Variants in DENND4C observed in about 807,000 individuals in gnomAD.
DENND4C encodes DENN domain-containing protein 4C.
In DENND4C, 108 loss-of-function variants were observed where a neutral mutation model predicts 203.0. The observed-to-expected ratio is 0.53, with a 90% confidence interval of 0.46 to 0.62. The LOEUF is 0.62. Ranked by LOEUF, DENND4C falls within the 20% of genes least tolerant of loss-of-function variation. DENND4C has a pLI of 0.00. For missense variants in DENND4C, 2,481 were observed against 2,301.2 expected (o/e 1.08, Z -1.60); for synonymous variants, 871 against 792.4 (o/e 1.10, Z -1.67).
chr9:19,345,328 T>C (rs1822619952), intron 22 of DENND4C, among the ~76,000 whole-genome samples: 1 of 152,252 alleles, frequency 6.6e-6, no homozygotes, highest in Non-Finnish European at 1.5e-5. Context: ...TTTATTTGCC[T>C]TTATATTCCT....
chr9:19,345,021 A>G (rs1822534350), intron 22 of DENND4C, among the ~76,000 whole-genome samples: 1 of 152,090 alleles, frequency 6.6e-6, no homozygotes, highest in Non-Finnish European at 1.5e-5. Context: ...TTCATGATCA[A>G]ATTATCTTTC....
rs535942820 is a variant in DENND4C, at chr9:19,360,113, C to G, written c.5161-131C>G. 17 of 894,422 alleles carry G rather than the reference C, an allele frequency of 1.9e-5. No homozygotes were observed. In the East Asian group the frequency reaches 4.2e-4, roughly 22 times the overall value. 55.4% of individuals were successfully genotyped at this position (894,422 alleles called of 1,614,324 possible). On this transcript the variant is annotated intron_variant, in intron 28 of 32. Transcript: ENST00000434457. ...TTAGGTTTTCATTCATTAGCATATT[C>G]TCTTGCATGTAGCAATGGTCCTAAA...
Position 19,290,866 on chromosome 9 carries a change from C to T in DENND4C, c.791C>T (p.Ser264Leu), listed in dbSNP as rs1836152764. 3 of 1,612,914 alleles carry T rather than the reference C, an allele frequency of 1.9e-6. No individual in the cohort carries two copies. The highest frequency in any genetic ancestry group is 3.3e-5 in the Admixed American group (2 of 59,882). ...VFSTFVLTGS[S>L]AKKVYGAAIQ... ...TCAACTTTTGTCTTGACAGGTTCTT[C>T]AGCCAAAAAGGTATGTTTTTGTCTC... Residue 264 changes from serine (S) to leucine (L), a missense_variant, in exon 5 of 33, where the codon TCA (serine) becomes TTA (leucine). Physicochemically the swap from Ser to Leu is moderately radical, Grantham distance 145 (BLOSUM62 -2). This residue lies in a region of DENND4C where 2,289 missense variants were observed against 2,113.3 expected (regional missense o/e 1.08). Transcript: ENST00000434457.
At chr9:19,254,346 C>G (rs1014172924) in intron 1 of DENND4C, among the ~76,000 whole-genome samples, 1 of 152,100 alleles carries the variant, frequency 6.6e-6, no homozygotes, top group Admixed American at 6.5e-5. Context: ...TAGTGTCCAT[C>G]GACGGATGAA....
intron 30 of DENND4C, among the ~76,000 whole-genome samples, chr9:19,364,709 A>G (rs903301532): frequency 1.8e-4 from 28 of 152,150 alleles, no homozygotes; most frequent in African/African-American, 5.3e-4. Context: ...CCTGGCCAAC[A>G]TGATAAAACC....
intron 9 of DENND4C, among the ~76,000 whole-genome samples, chr9:19,301,005 C>G (rs943205914): frequency 2.0e-5 from 3 of 152,044 alleles, no homozygotes; most frequent in Admixed American, 2.0e-4. Context: ...TATGGAGAAA[C>G]CCTGCTCTAC....
chr9:19,294,978 G>A (rs1371496298), intron 5 of DENND4C, among the ~76,000 whole-genome samples: 2 of 152,168 alleles, frequency 1.3e-5, no homozygotes, highest in Admixed American at 6.5e-5. Context: ...TAGTGCTACT[G>A]GGTGCACTGC....
chr9:19,319,522 G>A (rs111524271), intron 12 of DENND4C, among the ~76,000 whole-genome samples: 24 of 149,816 alleles, frequency 1.6e-4, no homozygotes, highest in African/African-American at 5.9e-4. Context: ...AGATTAGATG[G>A]TACAATTTGA....
chr9:19,319,292 G>GTA (rs1157321958), intron 12 of DENND4C, among the ~76,000 whole-genome samples: 11 of 139,800 alleles, frequency 7.9e-5, no homozygotes, highest in South Asian at 4.4e-4. Flanking sequence ...ACATTTGTGT[G>GTA]TATATATATA....
chr9:19,274,584 C>T (rs1305855641), intron 1 of DENND4C, among the ~76,000 whole-genome samples: 5 of 152,182 alleles, frequency 3.3e-5, no homozygotes, highest in South Asian at 2.1e-4. Flanking sequence ...CGTGAGCCAC[C>T]GTGCCCGGCC....
intron 4 of DENND4C, among the ~76,000 whole-genome samples, chr9:19,289,679 A>T (rs1314874524): frequency 6.6e-6 from 1 of 151,960 alleles, no homozygotes; most frequent in African/African-American, 2.4e-5. Context: ...AAATACAAAA[A>T]TTAGCCAGGC....
chr9:19,233,786 T>C (rs1288342120), intron 1 of DENND4C, among the ~76,000 whole-genome samples: 1 of 151,976 alleles, frequency 6.6e-6, no homozygotes, highest in East Asian at 1.9e-4. Context: ...AGAGAAGGGG[T>C]TTCACTATGT....
intron 15 of DENND4C, 49 bp from the exon 16 acceptor site, chr9:19,327,981 A>C (rs750142729): frequency 7.3e-5 from 111 of 1,511,458 alleles, no homozygotes; most frequent in Non-Finnish European, 8.7e-5. Context: ...AATAATATGA[A>C]GAGTTGGTGT....
chr9:19,331,361 C>A (rs765199071), intron 16 of DENND4C, among the ~76,000 whole-genome samples: 1 of 151,956 alleles, frequency 6.6e-6, no homozygotes, highest in Admixed American at 6.6e-5. Context: ...TGCCACCATG[C>A]GCGGCTAATT....
At chr9:19,319,093 C>G (rs545316746) in intron 12 of DENND4C, among the ~76,000 whole-genome samples, 159 of 151,218 alleles carry the variant, frequency 1.1e-3, no homozygotes, top group African/African-American at 3.8e-3. Flanking sequence ...CGCTTCATCC[C>G]GCGAGGCAGA....
chr9:19,238,114 C>G (rs1401921285), intron 1 of DENND4C, among the ~76,000 whole-genome samples: 1 of 149,346 alleles, frequency 6.7e-6, no homozygotes, highest in Non-Finnish European at 1.5e-5. Flanking sequence ...TAGAGTTTCA[C>G]TCGTGTTGCC....
chr9:19,314,024 G>C (rs1399055784), intron 10 of DENND4C, among the ~76,000 whole-genome samples: 2 of 152,164 alleles, frequency 1.3e-5, no homozygotes, highest in African/African-American at 2.4e-5. Flanking sequence ...AGAGGTTGCA[G>C]TGAGCTGAGA....
chr9:19,324,287 G>A, intron 12 of DENND4C, 75 bp from the exon 13 acceptor site: 2 of 1,135,684 alleles, frequency 1.8e-6, no homozygotes, highest in Admixed American at 2.6e-5. Context: ...ATATAGATAA[G>A]TACAAGTTTA....
intron 18 of DENND4C, 84 bp from the exon 19 acceptor site, chr9:19,336,186 A>T (rs1820426329): frequency 3.4e-5 from 35 of 1,021,348 alleles, no homozygotes; most frequent in Non-Finnish European, 4.4e-5. Flanking sequence ...TATATATATA[A>T]ACATACACAC....
Sources: gnomAD v4.1 joint callset for allele counts (sites outside exome capture counted in the v4.1 genomes callset) on GRCh38, gnomAD v4.1.1 for gene constraint, gnomAD v4.1.1 regional missense constraint, MANE v1.5 for transcripts, NCBI Gene and HGNC (gene_info 2026-07-23, HGNC 2026-07-21) for gene names.